SYTL5: variants seen among roughly 807,000 people sequenced by gnomAD.
The protein encoded by SYTL5 is synaptotagmin-like protein 5.
Under a neutral mutation model 55.9 loss-of-function variants are expected in SYTL5, and 34 were observed. That is an observed-to-expected ratio of 0.61 (90% CI 0.46 to 0.81). The LOEUF is 0.81. Ranked by LOEUF, SYTL5 falls within the 30% of genes least tolerant of loss-of-function variation. SYTL5 has a pLI of 0.00. For synonymous variants in SYTL5, 221 were observed against 188.7 expected, an observed-to-expected ratio of 1.17 and a Z score of -1.40; for missense variants, 637 against 546.7, an observed-to-expected ratio of 1.17 and a Z score of -1.65.
At chrX:38,118,543 T>A (rs1602415145) in intron 13 of SYTL5, among the ~76,000 whole-genome samples, 1 of 111,489 alleles carries the variant, frequency 9.0e-6, no homozygotes, top group African/African-American at 3.3e-5. Flanking sequence ...GAACTCAAAG[T>A]TCAGTTGACT....
intron 2 of SYTL5, among the ~76,000 whole-genome samples, chrX:38,037,821 G>A (rs76317594): frequency 1.3e-5 from 1 of 79,271 alleles, no homozygotes; most frequent in Non-Finnish European, 3.2e-5. Flanking sequence ...TAGATAGATA[G>A]ATAGATAGAT....
chrX:37,981,307 A>G, the SYTL5 span, among the ~76,000 whole-genome samples: 2 of 111,312 alleles, frequency 1.8e-5, no homozygotes, highest in Non-Finnish European at 3.8e-5. Flanking sequence ...AACAAATTTT[A>G]TTTTTGTTTT....
intron 2 of SYTL5, among the ~76,000 whole-genome samples, chrX:38,035,009 C>T (rs1051462871): frequency 8.9e-6 from 1 of 111,870 alleles, no homozygotes; most frequent in African/African-American, 3.3e-5. Flanking sequence ...ATTATATTCA[C>T]ATGTTGAAAA....
rs981972921 is a variant in SYTL5, at chrX:38,054,363, G to A, written c.270G>A (p.Arg90=). ...PCQACSLRVC[R]ECRVAGPNGS... is the part of the protein sequence containing the mutation. ...AGGCTTGCTCACTGAGGGTATGCAGGGAGTGTCGAGTTGCAGGCCCCAATG... is the reference window on the plus strand; with the variant it reads ...AGGCTTGCTCACTGAGGGTATGCAGAGAGTGTCGAGTTGCAGGCCCCAATG... The change falls in exon 3 of 17, where the codon AGG becomes AGA. Residue 90 remains arginine, a synonymous_variant. Coordinates refer to ENST00000297875, the MANE Select transcript of SYTL5 (RefSeq NM_138780.3). 8.3e-7 allele frequency: 1 copy of A among 1,211,508 alleles called. No homozygotes were observed.
chrX:38,018,312 C>T (rs1330777443), intron 1 of SYTL5, among the ~76,000 whole-genome samples: 1 of 111,623 alleles, frequency 9.0e-6, no homozygotes, highest in Non-Finnish European at 1.9e-5. Flanking sequence ...CTATCTTTTG[C>T]CCCTTTCACT....
chrX:38,039,547 C>T (rs1935217356), intron 2 of SYTL5, among the ~76,000 whole-genome samples: 1 of 112,160 alleles, frequency 8.9e-6, no homozygotes, highest in Non-Finnish European at 1.9e-5. Flanking sequence ...TGATCTCTCA[C>T]ACCTAAAAAC....
chrX:37,905,128 C>T, the SYTL5 span, among the ~76,000 whole-genome samples: 1 of 111,013 alleles, frequency 9.0e-6, no homozygotes, highest in East Asian at 2.8e-4. Flanking sequence ...AGCACTGCCA[C>T]CAAAACCAGT....
the SYTL5 span, among the ~76,000 whole-genome samples, chrX:37,927,147 C>A: frequency 8.9e-6 from 1 of 112,052 alleles, no homozygotes; most frequent in Non-Finnish European, 1.9e-5. Flanking sequence ...GATATGTCTA[C>A]ATACTGGAAA....
At chrX:37,977,654 A>T in the SYTL5 span, among the ~76,000 whole-genome samples, 17 of 108,078 alleles carry the variant, frequency 1.6e-4, no homozygotes, top group Non-Finnish European at 3.1e-4. Flanking sequence ...TTAAAGATAC[A>T]GGATGAACAA....
At chrX:38,099,867 A>G (rs181505313) in intron 9 of SYTL5, among the ~76,000 whole-genome samples, 2 of 111,566 alleles carry the variant, frequency 1.8e-5, no homozygotes, top group African/African-American at 3.2e-5. Flanking sequence ...AATGCAGTTT[A>G]TCACAACTAT....
the SYTL5 span, among the ~76,000 whole-genome samples, chrX:37,892,405 C>T: frequency 9.7e-6 from 1 of 103,261 alleles, no homozygotes; most frequent in Non-Finnish European, 2.0e-5. Flanking sequence ...TAATCCTATT[C>T]AAGAAAGATT....
chrX:38,029,826 CTAAT>C (rs1034978141), intron 1 of SYTL5, among the ~76,000 whole-genome samples: 5 of 103,638 alleles, frequency 4.8e-5, no homozygotes, highest in African/African-American at 1.1e-4. Context: ...TATTTTTAAA[CTAAT>C]TAAAGTTTTT....
chrX:38,072,315 A>G (rs1696970367), intron 4 of SYTL5, among the ~76,000 whole-genome samples, 153 bp downstream of exon 4: 1 of 111,899 alleles, frequency 8.9e-6, no homozygotes, highest in Admixed American at 9.5e-5. Flanking sequence ...CTAGATACGT[A>G]ATTCATACAA....
the SYTL5 span, among the ~76,000 whole-genome samples, chrX:37,997,012 T>C: frequency 1.8e-5 from 2 of 112,601 alleles, no homozygotes; most frequent in African/African-American, 6.5e-5. Context: ...AAAATCTAGA[T>C]CTTTCATCTG....
chrX:38,096,878 A>C lies in SYTL5; in HGVS notation c.1062+644A>C, dbSNP rs182858350. 3.8e-3 allele frequency among the ~76,000 whole-genome samples: 421 copies of C among 111,369 alleles called. 1 individual carries two copies. The highest frequency in any genetic ancestry group is 0.013 in the African/African-American group (400 of 30,894). ...AATAATATTTTCTATAGTACAAAAA[A>C]CTGGGAAAATACTTTAAAATCTACC... is the stretch of plus-strand genomic sequence containing the variant. On this transcript the variant is annotated intron_variant, in intron 9 of 16. Coordinates refer to ENST00000297875, the MANE Select transcript of SYTL5 (RefSeq NM_138780.3).
intron 11 of SYTL5, among the ~76,000 whole-genome samples, chrX:38,107,714 A>C (rs895943870): frequency 9.0e-6 from 1 of 111,536 alleles, no homozygotes; most frequent in African/African-American, 3.3e-5. Flanking sequence ...TAGATGACCT[A>C]AGTCCAATAA....
At chrX:38,121,732 C>G in intron 14 of SYTL5, among the ~76,000 whole-genome samples, 1 of 112,372 alleles carries the variant, frequency 8.9e-6, no homozygotes, top group East Asian at 2.8e-4. Flanking sequence ...TTGTCTTCAT[C>G]ATAGTTATTT....
At chrX:38,021,170 T>C (rs187799233) in intron 1 of SYTL5, among the ~76,000 whole-genome samples, 1 of 111,849 alleles carries the variant, frequency 8.9e-6, no homozygotes, top group East Asian at 2.8e-4. Flanking sequence ...TGTATATTTT[T>C]GAGGTAGAGA....
the SYTL5 span, among the ~76,000 whole-genome samples, chrX:37,908,087 A>T: frequency 2.0e-5 from 2 of 98,300 alleles, no homozygotes; most frequent in Non-Finnish European, 4.0e-5. Flanking sequence ...ACTACATTCT[A>T]GTTTGGGTGA....
Sources: allele counts gnomAD v4.1 joint callset (sites outside exome capture counted in the v4.1 genomes callset), GRCh38; gene constraint gnomAD v4.1.1; transcripts MANE v1.5; gene names NCBI Gene and HGNC (gene_info 2026-07-23, HGNC 2026-07-21).